FOXP2: variants seen among roughly 807,000 people sequenced by gnomAD.
FOXP2 encodes the protein forkhead box P2.
FOXP2 carries 12 observed loss-of-function variants against 115.8 expected under a neutral mutation model. The ratio of observed to expected loss-of-function variants is 0.10; its 90% CI spans 0.07 to 0.17. FOXP2 has a LOEUF of 0.17. FOXP2 is among the 10% of genes least tolerant of loss of function. FOXP2 has a pLI of 1.00. For missense variants in FOXP2, 629 were observed against 843.5 expected (o/e 0.75, Z 3.15); for synonymous variants, 328 against 297.7 (o/e 1.10, Z -1.05).
At chr7:114,527,476 C>T (rs986475262) in intron 2 of FOXP2, among the ~76,000 whole-genome samples, 32 of 152,078 alleles carry the variant, frequency 2.1e-4, no homozygotes, top group African/African-American at 7.5e-4. Flanking sequence ...AGTTTGGGGT[C>T]TTGACTCTTC....
At chr7:114,613,170 A>G (rs1291035552) in intron 3 of FOXP2, among the ~76,000 whole-genome samples, 1 of 152,184 alleles carries the variant, frequency 6.6e-6, no homozygotes, top group Non-Finnish European at 1.5e-5. Context: ...CTGCATTTAG[A>G]ATTTTTTTAA....
intron 1 of FOXP2, among the ~76,000 whole-genome samples, chr7:114,266,349 C>T (rs1795893190): frequency 6.6e-6 from 1 of 152,172 alleles, no homozygotes; most frequent in Non-Finnish European, 1.5e-5. Context: ...ATACCTTAGA[C>T]TGGATAATTT....
intron 2 of FOXP2, among the ~76,000 whole-genome samples, chr7:114,305,559 T>C (rs1796993336): frequency 6.6e-6 from 1 of 152,146 alleles, no homozygotes; most frequent in Non-Finnish European, 1.5e-5. Flanking sequence ...GTACAACGCC[T>C]GTAAAATTAT....
intron 2 of FOXP2, among the ~76,000 whole-genome samples, chr7:114,447,453 C>T (rs1033565945): frequency 6.6e-6 from 1 of 152,034 alleles, no homozygotes; most frequent in African/African-American, 2.4e-5. Context: ...GCTACCTCTC[C>T]TGCCTCATTT....
chr7:114,091,875 A>G (rs968993374), intron 1 of FOXP2, among the ~76,000 whole-genome samples: 19 of 152,114 alleles, frequency 1.2e-4, no homozygotes, highest in African/African-American at 4.6e-4. Flanking sequence ...TTATTGAAAT[A>G]CACATTCTTG....
chr7:114,169,370 C>A (rs989850604), intron 1 of FOXP2, among the ~76,000 whole-genome samples: 5 of 152,208 alleles, frequency 3.3e-5, no homozygotes, highest in Non-Finnish European at 7.3e-5. Flanking sequence ...GGATGTGAGA[C>A]CTGGAGTTAA....
intron 10 of FOXP2, among the ~76,000 whole-genome samples, chr7:114,654,415 T>C (rs1358137903): frequency 6.6e-6 from 1 of 152,194 alleles, no homozygotes; most frequent in Non-Finnish European, 1.5e-5. Context: ...AAGATACATA[T>C]AAATAGATTT....
At chr7:114,248,792 A>G (rs983692905) in intron 1 of FOXP2, among the ~76,000 whole-genome samples, 4 of 152,170 alleles carry the variant, frequency 2.6e-5, no homozygotes, top group South Asian at 2.1e-4. Context: ...TAAGAACATT[A>G]TATGTTTTTA....
intron 3 of FOXP2, among the ~76,000 whole-genome samples, chr7:114,582,323 C>T (rs1440730393): frequency 1.3e-5 from 2 of 152,098 alleles, no homozygotes; most frequent in African/African-American, 4.8e-5. Flanking sequence ...TTGTGACTAC[C>T]ATTATATCCT....
chr7:114,554,632 G>A (rs1474224306), intron 3 of FOXP2, among the ~76,000 whole-genome samples: 6 of 152,056 alleles, frequency 3.9e-5, no homozygotes, highest in Admixed American at 3.9e-4. Flanking sequence ...GTGGTAGGTA[G>A]TGATTACAAT....
At chr7:114,616,859 G>C (rs1007794049) in intron 3 of FOXP2, among the ~76,000 whole-genome samples, 2 of 152,162 alleles carry the variant, frequency 1.3e-5, no homozygotes, top group African/African-American at 4.8e-5. Context: ...AAGATTGCTT[G>C]ATTCTAGGAG....
intron 11 of FOXP2, among the ~76,000 whole-genome samples, chr7:114,658,725 A>G (rs960726371): frequency 6.6e-5 from 10 of 152,324 alleles, no homozygotes; most frequent in Non-Finnish European, 1.3e-4. Flanking sequence ...TAATGCCGAT[A>G]TGGCACTTTG....
chr7:114,235,602 A>G (rs1473246909), intron 1 of FOXP2, among the ~76,000 whole-genome samples: 2 of 152,086 alleles, frequency 1.3e-5, no homozygotes, highest in African/African-American at 4.8e-5. Flanking sequence ...CAACATCTTT[A>G]TTTGCTTTGA....
chr7:114,429,674 A>C (rs944352792), intron 2 of FOXP2, among the ~76,000 whole-genome samples: 25 of 151,518 alleles, frequency 1.6e-4, no homozygotes, highest in African/African-American at 5.8e-4. Context: ...AAGTCAGATA[A>C]TCTTTCTGAA....
At chr7:114,250,595 T>C (rs1160672644) in intron 1 of FOXP2, among the ~76,000 whole-genome samples, 1 of 152,202 alleles carries the variant, frequency 6.6e-6, no homozygotes, top group Non-Finnish European at 1.5e-5. Flanking sequence ...AAATGTCTTA[T>C]TTTGAGAAGT....
chr7:114,376,002 G>A (rs1792128863), intron 2 of FOXP2, among the ~76,000 whole-genome samples: 1 of 152,164 alleles, frequency 6.6e-6, no homozygotes, highest in Admixed American at 6.5e-5. Flanking sequence ...CTGTCAAAGT[G>A]GATCTGTTCT....
intron 2 of FOXP2, among the ~76,000 whole-genome samples, chr7:114,363,862 A>C (rs1489735794): frequency 5.9e-5 from 9 of 152,136 alleles, no homozygotes; most frequent in Non-Finnish European, 7.4e-5. Flanking sequence ...AAGGGAGCAA[A>C]CTTATCATTG....
chr7:114,353,709 G>A (rs550448507), intron 2 of FOXP2, among the ~76,000 whole-genome samples: 56 of 152,058 alleles, frequency 3.7e-4, no homozygotes, highest in Non-Finnish European at 6.8e-4. Flanking sequence ...CATTTAACTG[G>A]ATGTCTTTCT....
chr7:114,195,378 A>G (rs940946497), intron 1 of FOXP2, among the ~76,000 whole-genome samples: 5 of 152,108 alleles, frequency 3.3e-5, no homozygotes, highest in African/African-American at 1.2e-4. Flanking sequence ...CATACTCAAG[A>G]TTAGTTTTAC....
Sources: gnomAD v4.1 joint callset for allele counts (sites outside exome capture counted in the v4.1 genomes callset) on GRCh38, gnomAD v4.1.1 for gene constraint, MANE v1.5 for transcripts, NCBI Gene and HGNC (gene_info 2026-07-23, HGNC 2026-07-21) for gene names.